CFAP47: variants seen among roughly 807,000 people sequenced by gnomAD.
The protein encoded by CFAP47 is cilia and flagella associated protein 47.
Under a neutral mutation model 148.1 loss-of-function variants are expected in CFAP47, and 29 were observed. The observed-to-expected ratio is 0.20, with a 90% CI of 0.15 to 0.27. The LOEUF (loss-of-function observed/expected upper bound fraction) is 0.27. CFAP47 is among the 10% of genes least tolerant of loss of function. CFAP47 has a pLI of 1.00. For missense variants in CFAP47, 1,872 were observed against 1,697.5 expected (o/e 1.10, Z -1.81); for synonymous variants, 664 against 577.3 (o/e 1.15, Z -2.15).
intron 33 of CFAP47, among the ~76,000 whole-genome samples, chrX:36,122,487 T>A (rs549857743): frequency 9.0e-6 from 1 of 111,386 alleles, no homozygotes; most frequent in African/African-American, 3.3e-5. Flanking sequence ...TGCTACTTTT[T>A]TTTCATTTTT....
intron 26 of CFAP47, among the ~76,000 whole-genome samples, chrX:36,052,074 CT>C (rs759809383): frequency 4.7e-4 from 52 of 111,769 alleles, no homozygotes; most frequent in Non-Finnish European, 9.0e-4. Flanking sequence ...CATTAAACCT[CT>C]TTTTCTTTAA....
At chrX:36,348,584 C>T (rs1164835479) in intron 58 of CFAP47, among the ~76,000 whole-genome samples, 2 of 110,643 alleles carry the variant, frequency 1.8e-5, no homozygotes, top group African/African-American at 6.6e-5. Context: ...CAGAGACATG[C>T]AAAGGGACTC....
intron 38 of CFAP47, 46 bp downstream of exon 38, chrX:36,159,622 A>T (rs965139578): frequency 5.8e-5 from 17 of 293,362 alleles, no homozygotes; most frequent in African/African-American, 4.7e-4. Context: ...TTATCAGACC[A>T]TGAAGTATCA....
In CFAP47 at chrX:36,367,113, GA is replaced by G; in HGVS notation, c.9175del (p.Ser3059ValfsTer23). 8.7e-7 allele frequency: 1 copy of G among 1,147,522 alleles called. No individual in the cohort carries two copies. Among genetic ancestry groups the G allele is most frequent in the Non-Finnish European group, 1.2e-6 (1 of 859,942 alleles). 94.6% of individuals were successfully genotyped at this position (1,147,522 alleles called of 1,213,427 possible). ...FKESVFELRL[K>X]SQTRNPEPFT... ...AGGAATCTGTTTTTGAACTTAGGCT[GA>G]AAAGTCAGACAAGGTAATATATTAA... On this transcript the variant is annotated frameshift_variant, in exon 62 of 64. Transcript: ENST00000378653. LOFTEE classifies it high-confidence loss of function.
intron 30 of CFAP47, among the ~76,000 whole-genome samples, chrX:36,093,508 A>G (rs1479760375): frequency 9.0e-6 from 1 of 111,355 alleles, no homozygotes; most frequent in Non-Finnish European, 1.9e-5. Context: ...CTGTTGATCA[A>G]TGATGTTAAG....
chrX:36,303,781 G>A, intron 53 of CFAP47, 68 bp from the exon 54 acceptor site: 1 of 540,088 alleles, frequency 1.9e-6, no homozygotes, highest in South Asian at 3.5e-5. Flanking sequence ...GGGTCATCAA[G>A]TTTATGGAAT....
At chrX:36,064,506 C>T (rs1180928255) in intron 26 of CFAP47, among the ~76,000 whole-genome samples, 3 of 111,895 alleles carry the variant, frequency 2.7e-5, no homozygotes, top group Non-Finnish European at 3.8e-5. Context: ...GGAAATCATT[C>T]AGTTGCATGT....
intron 49 of CFAP47, among the ~76,000 whole-genome samples, chrX:36,277,084 C>A (rs1556002833): frequency 1.8e-5 from 2 of 111,798 alleles, no homozygotes; most frequent in African/African-American, 6.5e-5. Flanking sequence ...CATACAATTT[C>A]TTACAGTATA....
chrX:36,010,073 G>A (rs895790904), intron 21 of CFAP47, among the ~76,000 whole-genome samples: 3 of 110,944 alleles, frequency 2.7e-5, no homozygotes, highest in African/African-American at 9.8e-5. Flanking sequence ...AATAATGTAA[G>A]GTTTTGGTAA....
chrX:35,931,261 T>C (rs1479246503), intron 2 of CFAP47, among the ~76,000 whole-genome samples: 1 of 111,626 alleles, frequency 9.0e-6, no homozygotes, highest in East Asian at 2.8e-4. Flanking sequence ...TTGATCCTTT[T>C]ATTATATATA....
chrX:36,276,373 G>T (rs368130182), intron 49 of CFAP47, among the ~76,000 whole-genome samples: 6 of 111,824 alleles, frequency 5.4e-5, no homozygotes, highest in East Asian at 5.6e-4. Flanking sequence ...TATCTAAGGT[G>T]AATGTTACCA....
chrX:36,115,684 A>C (rs761939201), intron 33 of CFAP47, among the ~76,000 whole-genome samples: 25 of 111,667 alleles, frequency 2.2e-4, no homozygotes, highest in South Asian at 3.7e-4. Context: ...GGACAAAATT[A>C]GGTTTTTTTA....
At chrX:35,951,712 T>C in intron 5 of CFAP47, 91 bp from the exon 6 acceptor site, 12 of 913,863 alleles carry the variant, frequency 1.3e-5, no homozygotes, top group Non-Finnish European at 1.6e-5. Context: ...ATTTCCTAGA[T>C]TCTGGAATTT....
intron 51 of CFAP47, among the ~76,000 whole-genome samples, chrX:36,292,782 C>T (rs1556005761): frequency 9.0e-6 from 1 of 111,633 alleles, no homozygotes; most frequent in Non-Finnish European, 1.9e-5. Context: ...TGTCTTCACC[C>T]TGTAACTTTC....
chrX:36,101,269 G>A (rs1938371252), intron 32 of CFAP47, among the ~76,000 whole-genome samples: 3 of 111,812 alleles, frequency 2.7e-5, no homozygotes, highest in African/African-American at 9.8e-5. Context: ...ACAGCAACAT[G>A]TTAACTTAGT....
intron 52 of CFAP47, among the ~76,000 whole-genome samples, chrX:36,300,409 C>G (rs1357923920): frequency 1.8e-5 from 2 of 109,891 alleles, no homozygotes; most frequent in Admixed American, 9.7e-5. Context: ...CCTGCCTCAG[C>G]CTCCCAAATA....
At chrX:36,298,765 GA>G (rs1941269488) in intron 51 of CFAP47, among the ~76,000 whole-genome samples, 1 of 109,530 alleles carries the variant, frequency 9.1e-6, no homozygotes, top group Non-Finnish European at 1.9e-5. Context: ...ATTTGCTGTT[GA>G]AAAAAAATAA....
At chrX:36,331,970 A>G (rs1307918221) in intron 57 of CFAP47, among the ~76,000 whole-genome samples, 1 of 112,292 alleles carries the variant, frequency 8.9e-6, no homozygotes, top group African/African-American at 3.2e-5. Context: ...ATAAGCTAAA[A>G]TATGTTCTAA....
Position 36,310,838 on chromosome X carries a change from A to G in CFAP47, c.8193A>G (p.Thr2731=), listed in dbSNP as rs1367032280. The change falls in exon 56 of 64, where the codon ACA becomes ACG. Residue 2731 remains threonine (T), a synonymous_variant. Coordinates refer to ENST00000378653, the MANE Select transcript of CFAP47 (RefSeq NM_001304548.2). The part of the protein sequence containing the change: ...ACINFYCTQF[T]EWKFYLSGVG... ...GAATACTTATCTTCAAACAGTTTAC[A>G]GAATGGAAATTCTACTTATCTGGAG... is the stretch of plus-strand genomic sequence containing the variant. 8.7e-7 allele frequency: 1 copy of G among 1,147,758 alleles called. No homozygotes were observed. Among genetic ancestry groups the G allele is most frequent in the African/African-American group, 1.8e-5 (1 of 55,621 alleles). 94.6% of individuals were successfully genotyped at this position (1,147,758 alleles called of 1,213,427 possible). A position where few individuals can be genotyped will look rare whatever the true frequency, so the allele number is the denominator to read the frequency against.
Sources: gnomAD v4.1 joint callset for allele counts (sites outside exome capture counted in the v4.1 genomes callset) on GRCh38, gnomAD v4.1.1 for gene constraint, MANE v1.5 for transcripts, NCBI Gene and HGNC (gene_info 2026-07-23, HGNC 2026-07-21) for gene names.